Variants in DACT3 observed in about 807,000 individuals in gnomAD.
The protein encoded by DACT3 is dishevelled binding antagonist of beta catenin 3, also known as dapper homolog 3.
DACT3 carries 5 observed loss-of-function variants against 19.6 expected under a neutral mutation model. The ratio of observed to expected loss-of-function variants is 0.26; its 90% CI spans 0.13 to 0.54. DACT3 has a LOEUF of 0.54. DACT3 is among the 20% of genes least tolerant of loss of function. The pLI is 0.95. For synonymous variants in DACT3, 454 were observed against 428.1 expected, an observed-to-expected ratio of 1.06 and a Z score of -0.75; for missense variants, 908 against 927.4, an observed-to-expected ratio of 0.98 and a Z score of 0.27.
Position 46,660,932 on chromosome 19 carries a change from G to A in DACT3, c.133C>T (p.Leu45=). 6.5e-7 allele frequency: 1 copy of A among 1,539,626 alleles called. No individual in the cohort carries two copies. The highest frequency in any genetic ancestry group is 8.7e-7 in the Non-Finnish European group (1 of 1,145,966). Residue 45 remains leucine (L), a synonymous_variant, in exon 1 of 4, where the codon CTG becomes TTG. Transcript: ENST00000391916. The surrounding 1 kb of genome is among the most constrained non-coding windows in gnomAD (Gnocchi z 4.9). ...CCCATTCCGGGCTGGGCCAGCCGCA[G>A]CGCCTGCTGCACGCGGTACTCCTGC... ...ERQEYRVQQA[L]RLAQPGMGGA...
At position 46,648,394 on chromosome 19, in the gene DACT3, T is replaced by G; in HGVS notation, c.*88A>C. Reference sequence around the variant, plus strand: ...TCTTTGGAAGCAGAGAAAACGATGGTCTTTGGAAGGTAGATGTGGAAGGGT... The same window carrying G: ...TCTTTGGAAGCAGAGAAAACGATGGGCTTTGGAAGGTAGATGTGGAAGGGT... On this transcript the variant is annotated 3_prime_UTR_variant, in exon 4 of 4. Coordinates refer to ENST00000391916, the MANE Select transcript of DACT3 (RefSeq NM_145056.3). This position sits in a 1 kb window ranked among gnomAD's most constrained non-coding sequence, Gnocchi z 5.1. The G allele has an allele frequency of 6.3e-7, 1 of 1,592,626 alleles. No homozygotes were observed. Among genetic ancestry groups the G allele is most frequent in the Non-Finnish European group, 8.6e-7 (1 of 1,168,102 alleles).
chr19:46,661,025 C>T lies in DACT3; in HGVS notation c.40G>A (p.Gly14Ser), dbSNP rs756439813. 2.2e-5 allele frequency: 34 copies of T among 1,529,744 alleles called. No homozygotes were observed. The South Asian group carries it at 3.9e-4, about 17-fold the overall frequency. The allele number at this position is 1,529,744 out of a possible 1,614,324, so 94.8% of individuals were successfully genotyped here. Residue 14 changes from glycine to serine, a missense_variant, in exon 1 of 4, where the codon GGC (glycine) becomes AGC (serine). Physicochemically the swap from Gly to Ser is moderately conservative, Grantham distance 56. Transcript: ENST00000391916. ...CCCTCCAGCCAGCCCCGCAGCCGGC[C>T]CCGCTCAGGGCTCACCGGGAACGAG... is the stretch of plus-strand genomic sequence containing the variant. ...AFSFPVSPER[G>S]RLRGWLEGSL...
chr19:46,649,902 A>G, intron 3 of DACT3, 30 bp from the exon 4 acceptor site: 1 of 1,349,932 alleles, frequency 7.4e-7, no homozygotes, highest in Non-Finnish European at 9.5e-7. Context: ...AAAAAAAAAA[A>G]AAGAGAGAGT....
chr19:46,654,890 C>T (rs2053021573), intron 1 of DACT3: 2 of 984,854 alleles, frequency 2.0e-6, no homozygotes. Context: ...AAGCCCCCAT[C>T]CGGGCCTGTT....
rs2053067429 is a variant in DACT3 at position 46,660,567 on chromosome 19, G to GT, written c.249+248dup. On this transcript the variant is annotated intron_variant, in intron 1 of 3. Coordinates refer to ENST00000391916, the MANE Select transcript of DACT3 (RefSeq NM_145056.3). This position sits in a 1 kb window ranked among gnomAD's most constrained non-coding sequence, Gnocchi z 4.9. ...CAAGGATTTTCTTTGGGGAAGGGGT[G>GT]TAAGAGACAGGGCCTGTGTTTCTCA... 6.6e-6 allele frequency among the ~76,000 whole-genome samples: 1 copy of GT among 151,936 alleles called. No individual in the cohort carries two copies. Among genetic ancestry groups the GT allele is most frequent in the South Asian group, 2.1e-4 (1 of 4,830 alleles).
At position 46,655,143 on chromosome 19, in the gene DACT3, C is replaced by T. The variant is rs1313165695; in HGVS notation, c.250-2068G>A. ...GCCTTGCCACCGTCCCTCGAACATA[C>T]CATGTATGCGCCTACCTCGGGAGAA... is the stretch of plus-strand genomic sequence containing the variant. On this transcript the variant is annotated intron_variant, in intron 1 of 3. Transcript: ENST00000391916. 7.8e-5 allele frequency: 59 copies of T among 754,988 alleles called. No individual in the cohort carries two copies. The Admixed American group carries it at 3.7e-3, about 47-fold the overall frequency. The allele number at this position is 754,988 out of a possible 1,614,324, so 46.8% of individuals were successfully genotyped here. A position where few individuals can be genotyped will look rare whatever the true frequency, so the allele number is the denominator to read the frequency against.
chr19:46,650,109 C>A, intron 3 of DACT3: 1 of 307,050 alleles, frequency 3.3e-6, no homozygotes, highest in Non-Finnish European at 5.9e-6. Flanking sequence ...CTCCAACTCT[C>A]ACAACATCTT....
At chr19:46,654,930 C>A in intron 1 of DACT3, 2 of 985,246 alleles carry the variant, frequency 2.0e-6, no homozygotes, top group Non-Finnish European at 2.4e-6. Context: ...AATCCTTCCA[C>A]TCTGGGCTCC....
At chr19:46,657,817 C>T (rs890492960) in intron 1 of DACT3, among the ~76,000 whole-genome samples, 24 of 151,798 alleles carry the variant, frequency 1.6e-4, no homozygotes, top group African/African-American at 5.6e-4. Flanking sequence ...TTTGGGAGAC[C>T]GAGGCGGGAG....
intron 3 of DACT3, 134 bp downstream of exon 3, chr19:46,652,526 C>G: frequency 1.0e-6 from 1 of 978,950 alleles, no homozygotes. Flanking sequence ...AAATAAGAGA[C>G]CTGCTCATAA....
chr19:46,649,132 C>G lies in DACT3; in HGVS notation c.1240G>C (p.Gly414Arg), dbSNP rs1291531635. 7.9e-7 allele frequency: 1 copy of G among 1,267,806 alleles called. No individual in the cohort carries two copies. The highest frequency in any genetic ancestry group is 9.9e-7 in the Non-Finnish European group (1 of 1,008,786). The allele number at this position is 1,267,806 out of a possible 1,614,324, so 78.5% of individuals were successfully genotyped here. Residue 414 changes from glycine to arginine, a missense_variant, in exon 4 of 4, where the codon GGC becomes CGC. Around this residue, in one of 2 missense-constraint regions of DACT3, gnomAD observed 656 missense variants for 601.8 expected, o/e 1.09. Transcript: ENST00000391916. Reference sequence around the variant, plus strand: ...GAGGCCTTGCGGGCCCTGGGCGAGCCGCGGCGGCCCGAAGCCTCGGCCATG... The same window carrying G: ...GAGGCCTTGCGGGCCCTGGGCGAGCGGCGGCGGCCCGAAGCCTCGGCCATG... ...GRMAEASGRR[G>R]SPRARKASRS...
In DACT3 at chr19:46,661,040, C is replaced by A; in HGVS notation, c.25G>T (p.Val9Leu). Reference sequence around the variant, plus strand: ...CGCAGCCGGCCCCGCTCAGGGCTCACCGGGAACGAGAAGGCCCGGATCATG... The same window carrying A: ...CGCAGCCGGCCCCGCTCAGGGCTCAACGGGAACGAGAAGGCCCGGATCATG... MIRAFSFP[V>L]SPERGRLRGW... is the part of the protein sequence containing the mutation. Residue 9 changes from valine (V) to leucine (L), a missense_variant, in exon 1 of 4, where the codon GTG (valine) becomes TTG (leucine). By Grantham distance (32) the Val-to-Leu change is conservative. Transcript: ENST00000391916. The A allele has an allele frequency of 6.6e-7, 1 of 1,514,204 alleles. No homozygotes were observed. Among genetic ancestry groups the A allele is most frequent in the Middle Eastern group, 1.9e-4 (1 of 5,296 alleles). 93.8% of individuals were successfully genotyped at this position (1,514,204 alleles called of 1,614,324 possible).
Position 46,653,873 on chromosome 19 carries a change from C to G in DACT3, c.250-798G>C, listed in dbSNP as rs534151952. On this transcript the variant is annotated intron_variant, in intron 1 of 3. Coordinates refer to ENST00000391916, the MANE Select transcript of DACT3 (RefSeq NM_145056.3). ...CCAGCCTCTCCCCGTCTTTGACCTT[C>G]TTTCTCAGATACGCCCATTGCCCCT... Among the ~76,000 whole-genome samples, 9 of 152,268 alleles carry G rather than the reference C, an allele frequency of 5.9e-5. No homozygotes were observed. In the East Asian group the frequency reaches 1.5e-3, roughly 26 times the overall value.
Position 46,648,759 on chromosome 19 carries a change from G to T in DACT3, c.1613C>A (p.Ala538Glu). ...RLGPLGRRGP[A>E]GGVGGGYGES... The stretch of plus-strand genomic sequence containing the variant: ...CCCGTAACCCCCGCCGACGCCTCCC[G>T]CAGGCCCCCGGCGTCCCAGGGGCCC... The change falls in exon 4 of 4, where the codon GCG becomes GAG. Residue 538 changes from alanine (A) to glutamate (E), a missense_variant. Transcript: ENST00000391916. The surrounding 1 kb of genome is among the most constrained non-coding windows in gnomAD (Gnocchi z 5.1). 6.4e-7 allele frequency: 1 copy of T among 1,567,218 alleles called. No individual in the cohort carries two copies. The highest frequency in any genetic ancestry group is 8.6e-7 in the Non-Finnish European group (1 of 1,163,036).
At chr19:46,655,637 T>C (rs1481083321) in intron 1 of DACT3, among the ~76,000 whole-genome samples, 3 of 152,100 alleles carry the variant, frequency 2.0e-5, no homozygotes, top group Non-Finnish European at 4.4e-5. Flanking sequence ...AAAATAAAAG[T>C]ATACATCAAG....
At chr19:46,653,126 G>T in intron 1 of DACT3, 51 bp from the exon 2 acceptor site, 1 of 1,542,772 alleles carries the variant, frequency 6.5e-7, no homozygotes, top group Non-Finnish European at 8.7e-7. Context: ...GTCCTCTGCC[G>T]ACTGGTCCCC....
intron 1 of DACT3, among the ~76,000 whole-genome samples, chr19:46,657,155 A>C (rs2122476074): frequency 6.6e-6 from 1 of 151,930 alleles, no homozygotes; most frequent in Non-Finnish European, 1.5e-5. Flanking sequence ...TCCAGGGAGG[A>C]ATGAGGGGAC....
intron 1 of DACT3, among the ~76,000 whole-genome samples, chr19:46,656,722 C>T (rs562163190): frequency 9.9e-5 from 15 of 152,184 alleles, no homozygotes; most frequent in Admixed American, 5.2e-4. Context: ...GCTGTTAAAA[C>T]GGAATGAGTC....
Position 46,652,769 on chromosome 19 carries a change from T to C in DACT3, c.390A>G (p.Pro130=). 10 of 1,551,312 alleles carry C rather than the reference T, an allele frequency of 6.4e-6. No homozygotes were observed. Among genetic ancestry groups the C allele is most frequent in the Non-Finnish European group, 8.7e-6 (10 of 1,146,906 alleles). ...CACTGTCCCCACAGAAGGTTGAGGG[T>C]GGTGAATCTGGACCTCCTGTAGAGC... ...DPSSTGGPDS[P]PSTFCGDSGF... is the part of the protein sequence containing the mutation. The change falls in exon 3 of 4, where the codon CCA becomes CCG. Residue 130 remains proline (P), a synonymous_variant. Transcript: ENST00000391916.
Sources: allele counts gnomAD v4.1 joint callset (sites outside exome capture counted in the v4.1 genomes callset), GRCh38; gene constraint gnomAD v4.1.1; regional missense constraint gnomAD v4.1.1; non-coding constraint Gnocchi (gnomAD v3.1); transcripts MANE v1.5; gene names NCBI Gene and HGNC (gene_info 2026-07-23, HGNC 2026-07-21).